Variants in PIK3CB observed in about 807,000 individuals in gnomAD.
PIK3CB encodes phosphatidylinositol 4,5-bisphosphate 3-kinase catalytic subunit beta isoform.
In PIK3CB, 39 loss-of-function variants were observed where a neutral mutation model predicts 136.8. That is an observed-to-expected ratio of 0.29 (90% confidence interval 0.22 to 0.37). PIK3CB has a LOEUF of 0.37. Ranked by LOEUF, PIK3CB falls within the 10% of genes least tolerant of loss-of-function variation. The probability of loss-of-function intolerance (pLI) is 1.00; values close to 1 mark genes in which losing one functional copy is unlikely to be tolerated. For synonymous variants in PIK3CB, 428 were observed against 436.6 expected (o/e 0.98, Z 0.25); for missense variants, 868 against 1,275.4 (o/e 0.68, Z 4.87).
intron 1 of PIK3CB, among the ~76,000 whole-genome samples, chr3:138,799,694 T>C (rs1382115830): frequency 3.9e-5 from 6 of 152,122 alleles, no homozygotes; most frequent in Non-Finnish European, 7.3e-5. Context: ...TTGTCTGTTT[T>C]TGAGACAGGT....
chr3:138,728,670 C>T (rs903908825), intron 8 of PIK3CB, among the ~76,000 whole-genome samples: 22 of 151,748 alleles, frequency 1.4e-4, no homozygotes, highest in African/African-American at 5.1e-4. Flanking sequence ...GTCCCAGCTA[C>T]TCAGGAGGCT....
Position 138,655,388 on chromosome 3 carries a change from G to C in PIK3CB, c.*1C>G, listed in dbSNP as rs756330302. 1.2e-6 allele frequency: 2 copies of C among 1,613,728 alleles called. No homozygotes were observed. Among genetic ancestry groups the C allele is most frequent in the Non-Finnish European group, 1.7e-6 (2 of 1,179,884 alleles). On this transcript the variant is annotated 3_prime_UTR_variant, in exon 24 of 24. Transcript: ENST00000674063. ...AATACATTAGGAGCGAAGGCTGATCGTTAAGATCTGTAGTCTTTCCGAACT... is the reference window on the plus strand; with the variant it reads ...AATACATTAGGAGCGAAGGCTGATCCTTAAGATCTGTAGTCTTTCCGAACT...
chr3:138,672,658 G>A (rs898408266), intron 19 of PIK3CB, among the ~76,000 whole-genome samples: 2 of 152,194 alleles, frequency 1.3e-5, no homozygotes, highest in African/African-American at 4.8e-5. Context: ...TGTAATCCCA[G>A]CACTTTGACC....
chr3:138,744,223 C>T (rs986420492), intron 4 of PIK3CB, among the ~76,000 whole-genome samples: 9 of 151,084 alleles, frequency 6.0e-5, no homozygotes, highest in Non-Finnish European at 8.8e-5. Flanking sequence ...GAAACCCCAT[C>T]TCTACTAAAA....
At chr3:138,730,587 T>C (rs908516446) in intron 8 of PIK3CB, among the ~76,000 whole-genome samples, 4 of 152,294 alleles carry the variant, frequency 2.6e-5, no homozygotes, top group African/African-American at 4.8e-5. Flanking sequence ...ATATTCCATA[T>C]GACTTGTGGG....
intron 4 of PIK3CB, among the ~76,000 whole-genome samples, chr3:138,753,915 A>G (rs1194739496): frequency 6.6e-6 from 1 of 152,230 alleles, no homozygotes; most frequent in Non-Finnish European, 1.5e-5. Flanking sequence ...GCTTTCTTAC[A>G]TTAGCATGAG....
intron 2 of PIK3CB, among the ~76,000 whole-genome samples, chr3:138,790,997 T>C (rs887115317): frequency 3.3e-5 from 5 of 151,788 alleles, no homozygotes; most frequent in Admixed American, 3.3e-4. Flanking sequence ...TGAAGCCAAA[T>C]AAACTTGTCC....
chr3:138,778,655 T>G (rs995346200), intron 2 of PIK3CB: 1 of 206,600 alleles, frequency 4.8e-6, no homozygotes, highest in Admixed American at 5.7e-5. Context: ...GAGTACCAGG[T>G]TGTCTCTGCC....
intron 2 of PIK3CB, among the ~76,000 whole-genome samples, chr3:138,760,993 G>A (rs965039165): frequency 3.9e-5 from 6 of 152,304 alleles, no homozygotes; most frequent in African/African-American, 1.4e-4. Context: ...TCACAATTCT[G>A]CAAGTGCTAA....
intron 2 of PIK3CB, among the ~76,000 whole-genome samples, chr3:138,789,366 G>T (rs1374817456): frequency 2.6e-5 from 4 of 152,138 alleles, no homozygotes; most frequent in Non-Finnish European, 5.9e-5. Context: ...GGCTGAGGTG[G>T]GAGGATCACT....
chr3:138,709,486 A>C (rs2044450217), intron 10 of PIK3CB, among the ~76,000 whole-genome samples: 1 of 152,200 alleles, frequency 6.6e-6, no homozygotes, highest in South Asian at 2.1e-4. Context: ...TTCCTAGTCC[A>C]CATAAAAAAA....
At chr3:138,830,891 A>G (rs981529462) in intron 1 of PIK3CB, among the ~76,000 whole-genome samples, 41 of 143,198 alleles carry the variant, frequency 2.9e-4, no homozygotes, top group Non-Finnish European at 1.7e-4. Flanking sequence ...AACAGAGCGA[A>G]ACTCCGTCTC....
chr3:138,710,380 G>A (rs1014351106), intron 10 of PIK3CB, among the ~76,000 whole-genome samples: 1 of 152,034 alleles, frequency 6.6e-6, no homozygotes, highest in Non-Finnish European at 1.5e-5. Flanking sequence ...TAATTTTTCA[G>A]GTGACAACTG....
intron 13 of PIK3CB, among the ~76,000 whole-genome samples, chr3:138,695,342 T>C (rs549833450): frequency 6.6e-6 from 1 of 152,266 alleles, no homozygotes; most frequent in South Asian, 2.1e-4. Context: ...TAGATGGCAG[T>C]GGTTAGAGGA....
intron 2 of PIK3CB, among the ~76,000 whole-genome samples, chr3:138,762,214 A>G (rs1371996611): frequency 6.6e-6 from 1 of 152,212 alleles, no homozygotes. Context: ...GTGCCATTGC[A>G]CTCCAGCCTG....
chr3:138,709,063 G>A (rs532872175), intron 10 of PIK3CB, among the ~76,000 whole-genome samples: 34 of 151,022 alleles, frequency 2.3e-4, no homozygotes, highest in African/African-American at 7.6e-4. Flanking sequence ...GATTATACAT[G>A]TGAACCACCA....
At chr3:138,725,891 T>C (rs2108617458) in intron 8 of PIK3CB, among the ~76,000 whole-genome samples, 1 of 152,350 alleles carries the variant, frequency 6.6e-6, no homozygotes, top group African/African-American at 2.4e-5. Context: ...TCTTTATGTG[T>C]CAACTAATTT....
intron 2 of PIK3CB, among the ~76,000 whole-genome samples, chr3:138,788,986 A>ACC (rs1252166324): frequency 2.2e-5 from 3 of 139,038 alleles, no homozygotes; most frequent in Admixed American, 7.4e-5. Context: ...AAAAAAAAAA[A>ACC]AAAAAACAAA....
At position 138,795,251 on chromosome 3, in the gene PIK3CB, C is replaced by T. The variant is rs1040616743; in HGVS notation, c.-17+1212G>A. On this transcript the variant is annotated intron_variant, in intron 2 of 23. Coordinates refer to ENST00000674063, the MANE Select transcript of PIK3CB (RefSeq NM_006219.3). ...AGGAGAATCACTTGAAACCGGGAGG[C>T]GGACGTTGCAGTGAGCCGAGATCAC... is the stretch of plus-strand genomic sequence containing the variant. Among the ~76,000 whole-genome samples the T allele has an allele frequency of 1.2e-4, 17 of 143,052 alleles. No homozygotes were observed. In the East Asian group the frequency reaches 1.3e-3, roughly 11 times the overall value. The allele number at this position is 143,052 out of a possible 152,430, so 93.8% of individuals were successfully genotyped here.
Sources: allele counts gnomAD v4.1 joint callset (sites outside exome capture counted in the v4.1 genomes callset), GRCh38; gene constraint gnomAD v4.1.1; transcripts MANE v1.5; gene names NCBI Gene and HGNC (gene_info 2026-07-23, HGNC 2026-07-21).